The following FAM135B variants were observed in gnomAD, a reference collection of about 807,000 sequenced individuals.
FAM135B encodes protein FAM135B.
In FAM135B, 43 loss-of-function variants were observed where a neutral mutation model predicts 127.7. That is an observed-to-expected ratio of 0.34 (90% confidence interval 0.26 to 0.43). The LOEUF (loss-of-function observed/expected upper bound fraction) is 0.43. Among genes scored for constraint, FAM135B ranks in the 20% least tolerant of loss-of-function variants. FAM135B has a pLI of 1.00. For synonymous variants in FAM135B, 670 were observed against 665.1 expected, an observed-to-expected ratio of 1.01 and a Z score of -0.11; for missense variants, 1,558 against 1,725.6, an observed-to-expected ratio of 0.90 and a Z score of 1.72.
rs1348285304 is a variant in FAM135B at position 138,132,264 on chromosome 8, C to T, written c.*329G>A. 1.4e-5 allele frequency: 4 copies of T among 278,812 alleles called. No individual in the cohort carries two copies. Among genetic ancestry groups the T allele is most frequent in the African/African-American group, 2.2e-5 (1 of 45,462 alleles). The allele number at this position is 278,812 out of a possible 1,614,324, so 17.3% of individuals were successfully genotyped here. A position where few individuals can be genotyped will look rare whatever the true frequency, so the allele number is the denominator to read the frequency against. On this transcript the variant is annotated 3_prime_UTR_variant, in exon 20 of 20. Coordinates refer to ENST00000395297, the MANE Select transcript of FAM135B (RefSeq NM_015912.4). The surrounding 1 kb of genome is among the most constrained non-coding windows in gnomAD (Gnocchi z 4.5). ...GCAAGTCTAGTTAAATTGGAGTAAT[C>T]TCTCAGTAAGCCAGTAGTGGCTAGC...
intron 4 of FAM135B, among the ~76,000 whole-genome samples, chr8:138,261,163 G>C (rs937406271): frequency 2.0e-5 from 3 of 150,998 alleles, no homozygotes; most frequent in Non-Finnish European, 4.4e-5. Flanking sequence ...AAAAGAAAAA[G>C]AAAAAAACAA....
At chr8:138,226,195 CA>C (rs1178619042) in intron 7 of FAM135B, among the ~76,000 whole-genome samples, 3 of 91,518 alleles carry the variant, frequency 3.3e-5, no homozygotes, top group East Asian at 4.4e-4. Flanking sequence ...GCGCGCATGT[CA>C]TTTTTTTTTT....
intron 7 of FAM135B, among the ~76,000 whole-genome samples, chr8:138,208,366 G>A (rs911107413): frequency 6.6e-6 from 1 of 152,148 alleles, no homozygotes; most frequent in Non-Finnish European, 1.5e-5. Flanking sequence ...GATCCAGAAG[G>A]CAGGTATGAA....
chr8:138,231,516 T>A (rs1319204487), intron 7 of FAM135B, among the ~76,000 whole-genome samples: 183 of 152,292 alleles, frequency 1.2e-3, no homozygotes, highest in African/African-American at 4.3e-3. Context: ...TATAACATTT[T>A]ATTAAGGAGA....
chr8:138,446,342 G>A (rs1374315194), intron 1 of FAM135B, among the ~76,000 whole-genome samples: 1 of 152,066 alleles, frequency 6.6e-6, no homozygotes, highest in Non-Finnish European at 1.5e-5. Context: ...AGCCCGCATT[G>A]CCAAGTCAAT....
rs533412944 is a variant in FAM135B, at chr8:138,266,600, T to C, written c.158-758A>G. ...AAAAATATATGTGTGTGTATATATA[T>C]GTATATGTATATATATGTATATATG... On this transcript the variant is annotated intron_variant, in intron 3 of 19. Transcript: ENST00000395297. Among the ~76,000 whole-genome samples the C allele has an allele frequency of 3.7e-5, 5 of 134,670 alleles. No homozygotes were observed. The East Asian group carries it at 6.4e-4, about 17-fold the overall frequency. 88.3% of individuals were successfully genotyped at this position (134,670 alleles called of 152,430 possible).
chr8:138,278,849 G>A (rs759726853), intron 3 of FAM135B, among the ~76,000 whole-genome samples: 5 of 152,092 alleles, frequency 3.3e-5, no homozygotes, highest in Non-Finnish European at 7.4e-5. Context: ...TCACAGGGTT[G>A]TTGTGAGTAT....
At position 138,137,081 on chromosome 8, in the gene FAM135B, A is replaced by G. The variant is rs1816725130; in HGVS notation, c.4015+66T>C. ...CCCAGGTGTTCCCAATAGGCAGTCA[A>G]TTCCATGAATTTACTTTTGCTTTTC... On this transcript the variant is annotated intron_variant, in intron 19 of 19. Transcript: ENST00000395297. 3 of 854,434 alleles carry G rather than the reference A, an allele frequency of 3.5e-6. No individual in the cohort carries two copies. The South Asian group carries it at 4.0e-5, about 12-fold the overall frequency. 52.9% of individuals were successfully genotyped at this position (854,434 alleles called of 1,614,324 possible).
chr8:138,138,878 C>G (rs750373196), intron 18 of FAM135B, 108 bp downstream of exon 18: 2 of 744,280 alleles, frequency 2.7e-6, no homozygotes, highest in Non-Finnish European at 2.3e-6. Flanking sequence ...GGCCTCCTGA[C>G]TAGGCCCTTC....
chr8:138,153,171 C>T lies in FAM135B; in HGVS notation c.1304G>A (p.Ser435Asn), dbSNP rs1453928547. 4 of 1,599,528 alleles carry T rather than the reference C, an allele frequency of 2.5e-6. No homozygotes were observed. The highest frequency in any genetic ancestry group is 3.4e-6 in the Non-Finnish European group (4 of 1,170,700). ...VYPNFDVPVT[S>N]PTIMNLKDKE... ...GTCTTTCAGATTCATTATTGTAGGA[C>T]TTGTCACTGGAACATCAAAATTAGG... The change falls in exon 13 of 20, where the codon AGT becomes AAT. Residue 435 changes from serine to asparagine, a missense_variant. Transcript: ENST00000395297.
chr8:138,472,411 C>T (rs1257374822), intron 1 of FAM135B, among the ~76,000 whole-genome samples: 7 of 152,076 alleles, frequency 4.6e-5, no homozygotes, highest in African/African-American at 1.7e-4. Context: ...GAGCCACATA[C>T]AAATGAAGTG....
chr8:138,138,933 A>G, intron 18 of FAM135B, 53 bp downstream of exon 18: 1 of 1,077,644 alleles, frequency 9.3e-7, no homozygotes. Flanking sequence ...GTGTCTCAGG[A>G]GTTGAATCCC....
chr8:138,182,223 A>G (rs1815114470), intron 9 of FAM135B, among the ~76,000 whole-genome samples: 1 of 152,248 alleles, frequency 6.6e-6, no homozygotes, highest in African/African-American at 2.4e-5. Context: ...GATTATAGAA[A>G]TGGCTTTAGA....
intron 3 of FAM135B, among the ~76,000 whole-genome samples, chr8:138,280,867 C>T (rs1427933226): frequency 1.8e-4 from 27 of 152,032 alleles, no homozygotes; most frequent in Non-Finnish European, 1.6e-4. Context: ...GGAGAGGGTG[C>T]ATCATCGCAT....
intron 1 of FAM135B, among the ~76,000 whole-genome samples, chr8:138,412,922 A>G (rs1423539235): frequency 2.0e-5 from 3 of 152,170 alleles, no homozygotes; most frequent in South Asian, 2.1e-4. Context: ...CCAAAACTGC[A>G]TGTGCAGAAG....
chr8:138,297,049 C>T (rs1369117869), intron 3 of FAM135B, among the ~76,000 whole-genome samples: 1 of 152,130 alleles, frequency 6.6e-6, no homozygotes, highest in Non-Finnish European at 1.5e-5. Flanking sequence ...TGTGACCCAG[C>T]CAGGCCTGGC....
At chr8:138,491,395 G>A (rs1291166839) in intron 1 of FAM135B, among the ~76,000 whole-genome samples, 2 of 152,140 alleles carry the variant, frequency 1.3e-5, no homozygotes, top group Non-Finnish European at 2.9e-5. Flanking sequence ...CCCAAGAAAT[G>A]TTTCATAAGA....
At chr8:138,207,098 T>A (rs1410463914) in intron 7 of FAM135B, among the ~76,000 whole-genome samples, 1 of 152,200 alleles carries the variant, frequency 6.6e-6, no homozygotes, top group Non-Finnish European at 1.5e-5. Flanking sequence ...TCTCCTTCTA[T>A]AAATTTGTTG....
rs997576188 is a variant in FAM135B, at chr8:138,132,675, C to T, written c.4139G>A (p.Arg1380Gln). Residue 1380 changes from arginine (R) to glutamine (Q), a missense_variant, in exon 20 of 20, where the codon CGA becomes CAA. Around this residue, in one of 5 missense-constraint regions of FAM135B, gnomAD observed 194 missense variants for 333.8 expected, o/e 0.58. Transcript: ENST00000395297. This position sits in a 1 kb window ranked among gnomAD's most constrained non-coding sequence, Gnocchi z 4.5. The stretch of plus-strand genomic sequence containing the variant: ...ATCCAGCACAGCGATGTGAGCGGCT[C>T]GGCCGATCAGGGTGTTGGCAGTGTT... ...LPNTANTLIGRAAHIAVLDSE... is the reference protein window; with the variant it reads ...LPNTANTLIGQAAHIAVLDSE... 3 of 1,614,050 alleles carry T rather than the reference C, an allele frequency of 1.9e-6. No homozygotes were observed. The African/African-American group carries it at 4.0e-5, about 22-fold the overall frequency.
Sources: allele counts gnomAD v4.1 joint callset (sites outside exome capture counted in the v4.1 genomes callset), GRCh38; gene constraint gnomAD v4.1.1; regional missense constraint gnomAD v4.1.1; non-coding constraint Gnocchi (gnomAD v3.1); transcripts MANE v1.5; gene names NCBI Gene and HGNC (gene_info 2026-07-23, HGNC 2026-07-21).